ZNF407: variants seen among roughly 807,000 people sequenced by gnomAD.
ZNF407 encodes the protein zinc finger protein 407.
A neutral mutation model predicts 131.2 loss-of-function variants in ZNF407; 17 were observed. The ratio of observed to expected loss-of-function variants is 0.13; its 90% CI spans 0.09 to 0.19. The LOEUF (loss-of-function observed/expected upper bound fraction) is 0.19, where lower values mean the gene tolerates loss of function less well. ZNF407 is among the 10% of genes least tolerant of loss of function. The probability of loss-of-function intolerance (pLI) is 1.00; values close to 1 mark genes in which losing one functional copy is unlikely to be tolerated. For missense variants in ZNF407, 2,681 were observed against 2,830.6 expected (o/e 0.95, Z 1.20); for synonymous variants, 1,156 against 1,062.0 (o/e 1.09, Z -1.72).
intron 7 of ZNF407, among the ~76,000 whole-genome samples, chr18:74,899,163 A>G (rs576799218): frequency 2.0e-5 from 3 of 152,280 alleles, no homozygotes; most frequent in African/African-American, 7.2e-5. Context: ...GAGGATGTTG[A>G]GCAGGAAAAT....
intron 8 of ZNF407, among the ~76,000 whole-genome samples, chr18:75,012,695 T>C (rs1236444167): frequency 6.6e-6 from 1 of 151,390 alleles, no homozygotes; most frequent in African/African-American, 2.4e-5. Context: ...TTTCTTTTTT[T>C]CCCCAACTTT....
At chr18:74,731,013 A>G (rs1201506691) in intron 3 of ZNF407, among the ~76,000 whole-genome samples, 1 of 152,226 alleles carries the variant, frequency 6.6e-6, no homozygotes, top group Non-Finnish European at 1.5e-5. Flanking sequence ...CTGACTGTTC[A>G]GACTTACACT....
At chr18:74,800,027 C>A (rs1388682496) in intron 4 of ZNF407, among the ~76,000 whole-genome samples, 4 of 150,696 alleles carry the variant, frequency 2.7e-5, no homozygotes, top group Non-Finnish European at 5.9e-5. Flanking sequence ...ACTGATGAGT[C>A]CTGGCTTTCA....
chr18:74,820,087 A>C (rs1184114729), intron 4 of ZNF407, among the ~76,000 whole-genome samples: 3 of 152,244 alleles, frequency 2.0e-5, no homozygotes, highest in Admixed American at 6.5e-5. Flanking sequence ...ACAGTGGCTT[A>C]ACTTTGGGAA....
At chr18:74,877,149 G>T (rs1199139261) in intron 4 of ZNF407, 48 bp from the exon 5 acceptor site, 1 of 1,576,562 alleles carries the variant, frequency 6.3e-7, no homozygotes, top group African/African-American at 1.3e-5. Flanking sequence ...GGCCTTCGGT[G>T]CTGGTGTGCG....
At chr18:74,642,179 C>A (rs1033603316) in intron 3 of ZNF407, among the ~76,000 whole-genome samples, 1 of 152,092 alleles carries the variant, frequency 6.6e-6, no homozygotes, top group African/African-American at 2.4e-5. Flanking sequence ...CCTTTGCAAG[C>A]ACTTTTATGA....
intron 8 of ZNF407, among the ~76,000 whole-genome samples, chr18:75,026,177 C>G (rs188844788): frequency 2.0e-4 from 30 of 152,338 alleles, no homozygotes; most frequent in Non-Finnish European, 4.1e-4. Flanking sequence ...TAATATACGA[C>G]AGATGCCCAA....
At chr18:74,974,860 G>A (rs917666532) in intron 8 of ZNF407, among the ~76,000 whole-genome samples, 1 of 152,130 alleles carries the variant, frequency 6.6e-6, no homozygotes. Context: ...TACAGCTCTC[G>A]AGATTCTTCC....
intron 1 of ZNF407, among the ~76,000 whole-genome samples, chr18:74,604,066 T>C (rs753131188): frequency 6.7e-4 from 102 of 152,222 alleles, no homozygotes; most frequent in Non-Finnish European, 9.1e-4. Context: ...TGGCTAGAGA[T>C]AAAAATTTAG....
At chr18:74,808,975 A>C (rs958930281) in intron 4 of ZNF407, among the ~76,000 whole-genome samples, 1 of 152,224 alleles carries the variant, frequency 6.6e-6, no homozygotes, top group Non-Finnish European at 1.5e-5. Context: ...TCCAAATCAT[A>C]AACAATGTGG....
chr18:74,846,917 C>A (rs918553051), intron 4 of ZNF407, among the ~76,000 whole-genome samples: 1 of 151,780 alleles, frequency 6.6e-6, no homozygotes, highest in South Asian at 2.1e-4. Context: ...TCACTTGAAC[C>A]CAGGAGGCGG....
chr18:74,750,188 A>T (rs895308303), intron 3 of ZNF407, among the ~76,000 whole-genome samples: 2 of 152,176 alleles, frequency 1.3e-5, no homozygotes, highest in African/African-American at 4.8e-5. Flanking sequence ...CTTTGAGAGT[A>T]TCCTGAATTC....
At chr18:74,732,782 A>G (rs1404288619) in intron 3 of ZNF407, among the ~76,000 whole-genome samples, 1 of 152,112 alleles carries the variant, frequency 6.6e-6, no homozygotes, top group Admixed American at 6.5e-5. Flanking sequence ...TTTTCTACCT[A>G]TCATAGTGTT....
intron 3 of ZNF407, among the ~76,000 whole-genome samples, chr18:74,699,494 G>GAC (rs1290433456): frequency 5.3e-5 from 8 of 152,244 alleles, no homozygotes; most frequent in Non-Finnish European, 1.2e-4. Flanking sequence ...AGGGATTTTA[G>GAC]ACAGTTTTGA....
At chr18:74,818,914 A>G (rs1362258882) in intron 4 of ZNF407, among the ~76,000 whole-genome samples, 1 of 150,656 alleles carries the variant, frequency 6.6e-6, no homozygotes, top group Non-Finnish European at 1.5e-5. Flanking sequence ...GCATTTTACC[A>G]TGACTCTTGA....
At chr18:74,835,629 G>GGT (rs60463192) in intron 4 of ZNF407, among the ~76,000 whole-genome samples, 33,427 of 91,514 alleles carry the variant, frequency 0.37, 4,328 homozygotes, top group East Asian at 0.45. Context: ...GACAGAGGGG[G>GGT]GTGTGTGTGT....
Position 75,064,274 on chromosome 18 carries a change from C to T in ZNF407, c.6553C>T (p.Leu2185=). ...LPPGVQDEPG[L]YSHTVLETAD... ...CCCAGGGGTGCAGGACGAGCCGGGCCTGTACTCCCACACCGTGCTGGAGAC... is the reference window on the plus strand; with the variant it reads ...CCCAGGGGTGCAGGACGAGCCGGGCTTGTACTCCCACACCGTGCTGGAGAC... Residue 2185 remains leucine (L), a synonymous_variant, in exon 9 of 9, where the codon CTG becomes TTG. Coordinates refer to ENST00000299687, the MANE Select transcript of ZNF407 (RefSeq NM_017757.3). 6.2e-7 allele frequency: 1 copy of T among 1,605,074 alleles called. No homozygotes were observed. Among genetic ancestry groups the T allele is most frequent in the Non-Finnish European group, 8.5e-7 (1 of 1,176,748 alleles).
chr18:74,632,099 G>A lies in ZNF407; in HGVS notation c.1080G>A (p.Glu360=). 2 of 1,613,958 alleles carry A rather than the reference G, an allele frequency of 1.2e-6. No individual in the cohort carries two copies. Among genetic ancestry groups the A allele is most frequent in the Non-Finnish European group, 8.5e-7 (1 of 1,179,876 alleles). The change falls in exon 2 of 9, where the codon GAG becomes GAA. Residue 360 remains glutamate (E), a synonymous_variant. Transcript: ENST00000299687. ...GAAATACTTTGTCACAGGAAGTAGA[G>A]ATTGTTGAAGAACATGTTACTTCCC... The part of the protein sequence containing the change: ...PSRNTLSQEV[E]IVEEHVTSLG...
chr18:74,598,043 G>T (rs1046134637), intron 1 of ZNF407, 106 bp downstream of exon 1: 11 of 152,244 alleles, frequency 7.2e-5, no homozygotes, highest in Non-Finnish European at 7.3e-5. Context: ...GGGCGGCTGG[G>T]CGCCCAGAGC....
Sources: gnomAD v4.1 joint callset for allele counts (sites outside exome capture counted in the v4.1 genomes callset) on GRCh38, gnomAD v4.1.1 for gene constraint, MANE v1.5 for transcripts, NCBI Gene and HGNC (gene_info 2026-07-23, HGNC 2026-07-21) for gene names.